The following EIF3E variants were observed in gnomAD, a reference collection of about 807,000 sequenced individuals.
EIF3E encodes the protein eIF-3 p48.
EIF3E carries 25 observed loss-of-function variants against 59.3 expected under a neutral mutation model. That is an observed-to-expected ratio of 0.42 (90% confidence interval 0.31 to 0.59). The LOEUF (loss-of-function observed/expected upper bound fraction) is 0.59. Among genes scored for constraint, EIF3E ranks in the 20% least tolerant of loss-of-function variants. EIF3E has a pLI of 0.15. For missense variants in EIF3E, 317 were observed against 534.3 expected (o/e 0.59, Z 4.01); for synonymous variants, 176 against 170.2 (o/e 1.03, Z -0.26).
chr8:108,239,130 C>T (rs979944578), intron 3 of EIF3E, among the ~76,000 whole-genome samples: 4 of 152,096 alleles, frequency 2.6e-5, no homozygotes, highest in African/African-American at 4.8e-5. Context: ...TCTCTTATAA[C>T]GAGATACCCA....
intron 5 of EIF3E, chr8:108,233,738 A>G: frequency 3.5e-6 from 1 of 286,980 alleles, no homozygotes; most frequent in Non-Finnish European, 7.2e-6. Flanking sequence ...CTAGCTATTC[A>G]GGAGGCAAGA....
chr8:108,202,817 T>C (rs1815018576), intron 12 of EIF3E, among the ~76,000 whole-genome samples, 166 bp downstream of exon 12: 1 of 152,096 alleles, frequency 6.6e-6, no homozygotes, highest in African/African-American at 2.4e-5. Flanking sequence ...TTAATGCATA[T>C]AATACATCTA....
At position 108,246,294 on chromosome 8, in the gene EIF3E, G is replaced by C. The variant is rs958706989; in HGVS notation, c.90+2319C>G. ...ACTGCTAAGGGGGTGTGGGGGGGGG[G>C]GGCTGCTGTATCCTCACATAGCAGG... On this transcript the variant is annotated intron_variant, in intron 1 of 12. Coordinates refer to ENST00000220849, the MANE Select transcript of EIF3E (RefSeq NM_001568.3). Among the ~76,000 whole-genome samples the C allele has an allele frequency of 1.3e-4, 18 of 139,628 alleles. 1 individual carries two copies. Among genetic ancestry groups the C allele is most frequent in the Admixed American group, 1.1e-3 (16 of 13,950 alleles). The allele number at this position is 139,628 out of a possible 152,430, so 91.6% of individuals were successfully genotyped here.
rs562165089 is a variant in EIF3E at position 108,209,322 on chromosome 8, T to A, written c.1061+5285A>T. ...GTATTCAGTGGAAAAAAGTCTATTT[T>A]GGGGCTTAAAGATATTTCATTTGGA... On this transcript the variant is annotated intron_variant, in intron 10 of 12. Transcript: ENST00000220849. Among the ~76,000 whole-genome samples, 9 of 152,192 alleles carry A rather than the reference T, an allele frequency of 5.9e-5. No homozygotes were observed. In the East Asian group the frequency reaches 1.5e-3, roughly 26 times the overall value.
intron 6 of EIF3E, 99 bp from the exon 7 acceptor site, chr8:108,228,490 C>T: frequency 3.0e-6 from 3 of 1,003,620 alleles, no homozygotes; most frequent in Non-Finnish European, 4.0e-6. Context: ...TAAAAATGAG[C>T]CCCTTCTAAG....
intron 12 of EIF3E, 47 bp downstream of exon 12, chr8:108,202,936 A>G (rs372809087): frequency 1.7e-5 from 26 of 1,560,666 alleles, no homozygotes; most frequent in Non-Finnish European, 2.2e-5. Flanking sequence ...TGTAACAATT[A>G]CATGGTTGCT....
chr8:108,227,823 A>C (rs1270404182), intron 7 of EIF3E: 2 of 152,474 alleles, frequency 1.3e-5, no homozygotes, highest in African/African-American at 4.8e-5. Flanking sequence ...ATAAGCAGTG[A>C]ATTTCTCATC....
Position 108,241,845 on chromosome 8 carries a change from A to G in EIF3E, c.159T>C (p.Phe53=). 2 of 1,601,654 alleles carry G rather than the reference A, an allele frequency of 1.2e-6. No individual in the cohort carries two copies. The highest frequency in any genetic ancestry group is 1.1e-5 in the South Asian group (1 of 88,056). ...AAAGGTTTTTGTATACATCCATAGC[A>G]AAGTCTACCATGTTGGTATCACTAA... ...DLLSDTNMVD[F]AMDVYKNLYS... The change falls in exon 2 of 13, where the codon TTT becomes TTC. Residue 53 remains phenylalanine, a synonymous_variant. Coordinates refer to ENST00000220849, the MANE Select transcript of EIF3E (RefSeq NM_001568.3).
chr8:108,205,618 C>T (rs1434342256), intron 10 of EIF3E, among the ~76,000 whole-genome samples: 1 of 152,198 alleles, frequency 6.6e-6, no homozygotes, highest in African/African-American at 2.4e-5. Context: ...ACTGTTCTGG[C>T]TAGCATGATG....
In EIF3E at chr8:108,229,174, C is replaced by T; in HGVS notation, c.493G>A (p.Ala165Thr). 3.1e-6 allele frequency: 5 copies of T among 1,612,904 alleles called. No individual in the cohort carries two copies. The highest frequency in any genetic ancestry group is 4.2e-6 in the Non-Finnish European group (5 of 1,179,422). ...RVLVPATDRN[A>T]LSSLWGKLAS... ...AGCTTTCCCCAGAGTGAACTTAAAG[C>T]ATTTCTATCTGTTGCTGGAACCTGT... Residue 165 changes from alanine to threonine, a missense_variant, in exon 6 of 13, where the codon GCT becomes ACT. Transcript: ENST00000220849.
intron 7 of EIF3E, 178 bp downstream of exon 7, chr8:108,228,089 A>C (rs1815552114): frequency 1.7e-6 from 1 of 594,878 alleles, no homozygotes; most frequent in African/African-American, 1.9e-5. Context: ...CACTCTGTCA[A>C]ATAGTTTACT....
In EIF3E at chr8:108,201,266, T is replaced by A. The variant is rs1741997022; in HGVS notation, c.*619A>T. 7.3e-6 allele frequency: 1 copy of A among 136,154 alleles called. No homozygotes were observed. Among genetic ancestry groups the A allele is most frequent in the African/African-American group, 3.4e-5 (1 of 29,164 alleles). The allele number at this position is 136,154 out of a possible 1,614,324, so 8.4% of individuals were successfully genotyped here. The stretch of plus-strand genomic sequence containing the variant: ...ACTACTGATCATATATATATATATA[T>A]CTATCTCTCAACTTGGATGGCTCTC... On this transcript the variant is annotated 3_prime_UTR_variant, in exon 13 of 13. Coordinates refer to ENST00000220849, the MANE Select transcript of EIF3E (RefSeq NM_001568.3).
chr8:108,223,950 G>C (rs982196231), intron 7 of EIF3E, among the ~76,000 whole-genome samples: 2 of 151,250 alleles, frequency 1.3e-5, no homozygotes, highest in African/African-American at 2.5e-5. Context: ...AGGCACGGTG[G>C]CTCACACCAG....
chr8:108,237,505 G>C (rs1346591526), intron 3 of EIF3E, among the ~76,000 whole-genome samples: 1 of 152,150 alleles, frequency 6.6e-6, no homozygotes, highest in Non-Finnish European at 1.5e-5. Context: ...ACCCACCTTG[G>C]CCTCCCAAAG....
At chr8:108,233,719 C>G (rs1372144532) in intron 5 of EIF3E, 1 of 344,396 alleles carries the variant, frequency 2.9e-6, no homozygotes, top group Non-Finnish European at 5.9e-6. Context: ...GTGATGCACA[C>G]TTGTAGTCCT....
chr8:108,245,409 T>G (rs1190257619), intron 1 of EIF3E, among the ~76,000 whole-genome samples: 2 of 152,136 alleles, frequency 1.3e-5, no homozygotes, highest in African/African-American at 2.4e-5. Context: ...GTCAGGGCTG[T>G]AATGAGCTAA....
intron 10 of EIF3E, among the ~76,000 whole-genome samples, chr8:108,212,474 A>G (rs1586193686): frequency 6.6e-6 from 1 of 152,212 alleles, no homozygotes; most frequent in Admixed American, 6.5e-5. Context: ...GAAGATCCCT[A>G]AGATTTCTTT....
At chr8:108,233,884 C>CTACT (rs1563635327) in intron 5 of EIF3E, among the ~76,000 whole-genome samples, 1 of 148,106 alleles carries the variant, frequency 6.8e-6, no homozygotes, top group Non-Finnish European at 1.5e-5. Flanking sequence ...CTTTAAGTAC[C>CTACT]TACTTACTAG....
chr8:108,235,221 AT>A, intron 4 of EIF3E, 119 bp from the exon 5 acceptor site: 1 of 530,980 alleles, frequency 1.9e-6, no homozygotes, highest in African/African-American at 2.0e-5. Flanking sequence ...TCTAATGTAT[AT>A]TTTATGAGTC....
Sources: gnomAD v4.1 joint callset for allele counts (sites outside exome capture counted in the v4.1 genomes callset) on GRCh38, gnomAD v4.1.1 for gene constraint, MANE v1.5 for transcripts, NCBI Gene and HGNC (gene_info 2026-07-23, HGNC 2026-07-21) for gene names.